The following JARID2 variants were observed in gnomAD, a reference collection of about 807,000 sequenced individuals.
JARID2 encodes the protein jumonji and AT-rich interaction domain containing 2, also known as protein Jumonji.
In JARID2, 21 loss-of-function variants were observed where a neutral mutation model predicts 125.6. The ratio of observed to expected loss-of-function variants is 0.17; its 90% confidence interval spans 0.12 to 0.24. JARID2 has a LOEUF of 0.24. Ranked by LOEUF, JARID2 falls within the 10% of genes least tolerant of loss-of-function variation. The probability of loss-of-function intolerance (pLI) is 1.00; values close to 1 mark genes in which losing one functional copy is unlikely to be tolerated. For missense variants in JARID2, 1,303 were observed against 1,639.6 expected, an observed-to-expected ratio of 0.79 and a Z score of 3.55; for synonymous variants, 736 against 661.6, an observed-to-expected ratio of 1.11 and a Z score of -1.73.
intron 14 of JARID2, among the ~76,000 whole-genome samples, chr6:15,512,631 G>C (rs1001880917): frequency 6.6e-6 from 1 of 152,114 alleles, no homozygotes; most frequent in Non-Finnish European, 1.5e-5. Flanking sequence ...CTCCAGTATT[G>C]GAAAACTGTT....
chr6:15,437,743 G>T (rs1046610357), intron 3 of JARID2, among the ~76,000 whole-genome samples: 2 of 151,926 alleles, frequency 1.3e-5, no homozygotes, highest in African/African-American at 4.8e-5. Context: ...GGCGGAGGTT[G>T]CAGTGAGCTG....
At chr6:15,447,663 G>A (rs1016378884) in intron 3 of JARID2, among the ~76,000 whole-genome samples, 3 of 152,200 alleles carry the variant, frequency 2.0e-5, no homozygotes, top group African/African-American at 7.2e-5. Context: ...TAATGGAATG[G>A]CAGGTAGTAT....
chr6:15,513,785 C>T (rs1376375591), intron 16 of JARID2, among the ~76,000 whole-genome samples: 4 of 152,266 alleles, frequency 2.6e-5, no homozygotes, highest in Non-Finnish European at 4.4e-5. Flanking sequence ...GGCGGGTTTC[C>T]AGTACTGGGC....
At chr6:15,497,558 G>A (rs1770515241) in intron 7 of JARID2, among the ~76,000 whole-genome samples, 2 of 151,942 alleles carry the variant, frequency 1.3e-5, no homozygotes, top group African/African-American at 4.8e-5. Context: ...GGCTGAGGCA[G>A]GAGAATGGCG....
intron 1 of JARID2, among the ~76,000 whole-genome samples, chr6:15,359,993 T>G (rs1017606893): frequency 1.3e-5 from 2 of 152,128 alleles, no homozygotes; most frequent in Non-Finnish European, 2.9e-5. Context: ...GGCCGACTGA[T>G]GAATTTCTAA....
chr6:15,280,025 G>A (rs11754102), intron 1 of JARID2, among the ~76,000 whole-genome samples: 41,686 of 151,924 alleles, frequency 0.27, 6,576 homozygotes, highest in Admixed American at 0.35. Flanking sequence ...AACATCTGGG[G>A]CACTTACCAC....
intron 2 of JARID2, among the ~76,000 whole-genome samples, chr6:15,388,006 C>G (rs1331760122): frequency 6.6e-6 from 1 of 152,144 alleles, no homozygotes; most frequent in Admixed American, 6.6e-5. Context: ...GATAGGGCTT[C>G]CTACAGCCAG....
chr6:15,401,160 A>G (rs1433297400), intron 2 of JARID2: 24 of 928,586 alleles, frequency 2.6e-5, no homozygotes, highest in Non-Finnish European at 3.4e-5. Context: ...GGTGCTATAT[A>G]TATATATATA....
At chr6:15,480,849 A>AT (rs1441446288) in intron 5 of JARID2, among the ~76,000 whole-genome samples, 4 of 152,198 alleles carry the variant, frequency 2.6e-5, no homozygotes, top group Non-Finnish European at 5.9e-5. Context: ...GAGTGAGGGT[A>AT]TTAAAAACCT....
At chr6:15,450,811 G>T (rs1456894659) in intron 3 of JARID2, among the ~76,000 whole-genome samples, 1 of 152,164 alleles carries the variant, frequency 6.6e-6, no homozygotes, top group Non-Finnish European at 1.5e-5. Flanking sequence ...TGTATTTATT[G>T]GTGGAGAGAA....
rs893411164 is a variant in JARID2 at position 15,521,486 on chromosome 6, T to C, written c.*1235T>C. 2.0e-5 allele frequency: 3 copies of C among 151,946 alleles called. No individual in the cohort carries two copies. The highest frequency in any genetic ancestry group is 2.1e-4 in the South Asian group (1 of 4,808). The allele number at this position is 151,946 out of a possible 1,614,324, so 9.4% of individuals were successfully genotyped here. A position where few individuals can be genotyped will look rare whatever the true frequency, so the allele number is the denominator to read the frequency against. On this transcript the variant is annotated 3_prime_UTR_variant, in exon 18 of 18. Coordinates refer to ENST00000341776, the MANE Select transcript of JARID2 (RefSeq NM_004973.4). ...CATTTCAGTTTCTTCATCGGTTGGA[T>C]TGGATGCTTACAGGGTTTTTCTTGT... is the stretch of plus-strand genomic sequence containing the variant.
intron 1 of JARID2, chr6:15,368,731 G>T (rs1764062120): frequency 4.1e-6 from 2 of 493,792 alleles, no homozygotes; most frequent in Non-Finnish European, 8.1e-6. Context: ...GATTTCTCAG[G>T]GTATATTTAT....
At chr6:15,433,633 C>G (rs1391355658) in intron 3 of JARID2, among the ~76,000 whole-genome samples, 3 of 152,018 alleles carry the variant, frequency 2.0e-5, no homozygotes, top group African/African-American at 7.3e-5. Flanking sequence ...AAGATGATTC[C>G]CAGCTTCCTG....
chr6:15,511,785 A>G (rs1359105909), intron 13 of JARID2, among the ~76,000 whole-genome samples: 1 of 152,038 alleles, frequency 6.6e-6, no homozygotes, highest in Non-Finnish European at 1.5e-5. Flanking sequence ...CTGAGTTCTG[A>G]CCAGCTTCTC....
chr6:15,411,799 T>A (rs1765888729), intron 3 of JARID2, among the ~76,000 whole-genome samples: 3 of 152,252 alleles, frequency 2.0e-5, no homozygotes, highest in African/African-American at 7.2e-5. Flanking sequence ...TCTCTGAGTC[T>A]GGGCACCCAC....
At chr6:15,474,916 T>TG (rs1192116310) in intron 5 of JARID2, among the ~76,000 whole-genome samples, 1 of 152,250 alleles carries the variant, frequency 6.6e-6, no homozygotes, top group Non-Finnish European at 1.5e-5. Context: ...GGTGTACTGT[T>TG]GCATCCTCCA....
chr6:15,432,810 T>G (rs1767025360), intron 3 of JARID2, among the ~76,000 whole-genome samples: 1 of 152,218 alleles, frequency 6.6e-6, no homozygotes, highest in African/African-American at 2.4e-5. Flanking sequence ...GGTTTGTATC[T>G]AAGCTGTTAA....
At chr6:15,465,866 T>C (rs1267104874) in intron 4 of JARID2, among the ~76,000 whole-genome samples, 8 of 152,020 alleles carry the variant, frequency 5.3e-5, no homozygotes, top group African/African-American at 1.9e-4. Context: ...TGCAGTGGCA[T>C]GATCTCGGCT....
intron 1 of JARID2, among the ~76,000 whole-genome samples, chr6:15,339,252 C>T (rs996601805): frequency 6.6e-6 from 1 of 152,106 alleles, no homozygotes; most frequent in African/African-American, 2.4e-5. Flanking sequence ...CACTGCCTCC[C>T]TGGAAAGGCT....
Sources: gnomAD v4.1 joint callset for allele counts (sites outside exome capture counted in the v4.1 genomes callset) on GRCh38, gnomAD v4.1.1 for gene constraint, MANE v1.5 for transcripts, NCBI Gene and HGNC (gene_info 2026-07-23, HGNC 2026-07-21) for gene names.